SPAG17: variants seen among roughly 807,000 people sequenced by gnomAD.
SPAG17 encodes sperm associated antigen 17.
SPAG17 carries 169 observed loss-of-function variants against 273.6 expected under a neutral mutation model. The observed-to-expected ratio is 0.62, with a 90% CI of 0.55 to 0.70. The LOEUF (loss-of-function observed/expected upper bound fraction) is 0.70, where lower values mean the gene tolerates loss of function less well. SPAG17 is among the 30% of genes least tolerant of loss of function. The pLI is 0.00. For synonymous variants in SPAG17, 825 were observed against 873.2 expected (o/e 0.94, Z 0.97); for missense variants, 2,557 against 2,627.8 (o/e 0.97, Z 0.59).
At chr1:118,175,237 C>T (rs1463899937) in intron 1 of SPAG17, among the ~76,000 whole-genome samples, 1 of 152,024 alleles carries the variant, frequency 6.6e-6, no homozygotes, top group Non-Finnish European at 1.5e-5. Context: ...ACCATGTTGC[C>T]CAGACTGGTC....
At position 118,151,284 on chromosome 1, in the gene SPAG17, T is replaced by C. The variant is rs1349169994; in HGVS notation, c.173A>G (p.Gln58Arg). ...LLIQALTVAV[Q>R]VPQRKLFSMV... ...ACTGAAGAGTTTACGCTGAGGGACC[T>C]GGACAGCCACGGTAAGGGCTTGGAT... is the stretch of plus-strand genomic sequence containing the variant. Residue 58 changes from glutamine to arginine, a missense_variant, in exon 2 of 49, where the codon CAG (glutamine) becomes CGG (arginine). Gln to Arg is a conservative substitution (Grantham distance 43). Coordinates refer to ENST00000336338, the MANE Select transcript of SPAG17 (RefSeq NM_206996.4). 6.2e-7 allele frequency: 1 copy of C among 1,613,622 alleles called. No individual in the cohort carries two copies. The highest frequency in any genetic ancestry group is 1.7e-5 in the Admixed American group (1 of 59,994).
At chr1:117,967,114 AT>A (rs1374816043) in intron 46 of SPAG17, among the ~76,000 whole-genome samples, 2 of 151,956 alleles carry the variant, frequency 1.3e-5, no homozygotes, top group African/African-American at 4.8e-5. Context: ...CAGTAGTGAA[AT>A]CTGCAATAGC....
In SPAG17 at chr1:117,971,851, C is replaced by A. The variant is rs760924582; in HGVS notation, c.6326+12G>T. 59 of 1,609,662 alleles carry A rather than the reference C, an allele frequency of 3.7e-5. No individual in the cohort carries two copies. The South Asian group carries it at 6.5e-4, about 18-fold the overall frequency. The stretch of plus-strand genomic sequence containing the variant: ...AGGTAACCTGAGCAGACCTTTGGTC[C>A]CTTGGCCTCACCTGCAGAAGTCCAC... On this transcript the variant is annotated intron_variant, in intron 45 of 48. Coordinates refer to ENST00000336338, the MANE Select transcript of SPAG17 (RefSeq NM_206996.4).
At chr1:118,010,281 T>C (rs202225360) in intron 30 of SPAG17, among the ~76,000 whole-genome samples, 3 of 131,820 alleles carry the variant, frequency 2.3e-5, no homozygotes. Flanking sequence ...GAGGCAACCG[T>C]AACCGTGCTA....
Position 118,086,043 on chromosome 1 carries a change from A to G in SPAG17, c.1641T>C (p.Ile547=). 1 of 1,613,656 alleles carries G rather than the reference A, an allele frequency of 6.2e-7. No individual in the cohort carries two copies. The highest frequency in any genetic ancestry group is 8.5e-7 in the Non-Finnish European group (1 of 1,179,900). Residue 547 remains isoleucine (I), a synonymous_variant, in exon 13 of 49, where the codon ATT becomes ATC. Coordinates refer to ENST00000336338, the MANE Select transcript of SPAG17 (RefSeq NM_206996.4). ...QDQKNFDPVQ[I]EQEMQSKLPL... Reference sequence around the variant, plus strand: ...GCAACTTGGACTGCATCTCCTGCTCAATTTGAACTGGATCAAAATTCTTTT... The same window carrying G: ...GCAACTTGGACTGCATCTCCTGCTCGATTTGAACTGGATCAAAATTCTTTT...
chr1:117,992,660 A>G lies in SPAG17; in HGVS notation c.5179-12T>C. The G allele has an allele frequency of 6.4e-7, 1 of 1,565,804 alleles. No individual in the cohort carries two copies. The highest frequency in any genetic ancestry group is 8.6e-7 in the Non-Finnish European group (1 of 1,160,806). On this transcript the variant is annotated splice_polypyrimidine_tract_variant and intron_variant, in intron 35 of 48. Coordinates refer to ENST00000336338, the MANE Select transcript of SPAG17 (RefSeq NM_206996.4). ...CCTGGAGTTTTTTTCTGTTAACAAA[A>G]CAAAGCAATAACACCACCAAAGAAA...
At chr1:117,982,804 C>G (rs1203585098) in intron 42 of SPAG17, among the ~76,000 whole-genome samples, 1 of 152,180 alleles carries the variant, frequency 6.6e-6, no homozygotes, top group Non-Finnish European at 1.5e-5. Flanking sequence ...GCTTAGGTTT[C>G]ACATTCAGTT....
chr1:118,072,969 G>A (rs1034588920), intron 17 of SPAG17, among the ~76,000 whole-genome samples: 1 of 151,922 alleles, frequency 6.6e-6, no homozygotes, highest in African/African-American at 2.4e-5. Context: ...AGGGGTAAAT[G>A]CACTGAAGAT....
At chr1:118,180,994 A>G (rs1230207577) in intron 1 of SPAG17, among the ~76,000 whole-genome samples, 1 of 152,104 alleles carries the variant, frequency 6.6e-6, no homozygotes, top group African/African-American at 2.4e-5. Context: ...TTGTGACATC[A>G]TAAGTCATGC....
intron 3 of SPAG17, among the ~76,000 whole-genome samples, chr1:118,150,082 A>C (rs541336167): frequency 2.6e-5 from 4 of 152,226 alleles, no homozygotes; most frequent in Non-Finnish European, 5.9e-5. Context: ...CAAGTTCACA[A>C]ACTGATGGAA....
intron 4 of SPAG17, among the ~76,000 whole-genome samples, chr1:118,114,229 G>A (rs1404622241): frequency 6.6e-6 from 1 of 152,056 alleles, no homozygotes; most frequent in Non-Finnish European, 1.5e-5. Context: ...AGTTTCACTA[G>A]ATGGAAAACT....
At chr1:118,058,532 C>T (rs1571368188) in intron 18 of SPAG17, among the ~76,000 whole-genome samples, 1 of 152,138 alleles carries the variant, frequency 6.6e-6, no homozygotes, top group Non-Finnish European at 1.5e-5. Flanking sequence ...AAGAGATGTA[C>T]ATACAAACGA....
intron 7 of SPAG17, among the ~76,000 whole-genome samples, chr1:118,093,679 C>A (rs989975185): frequency 6.6e-6 from 1 of 152,196 alleles, no homozygotes; most frequent in South Asian, 2.1e-4. Context: ...TTAATATCCT[C>A]AGCCAGTGAC....
At chr1:118,148,970 G>A (rs1444031370) in intron 3 of SPAG17, among the ~76,000 whole-genome samples, 2 of 152,164 alleles carry the variant, frequency 1.3e-5, no homozygotes, top group African/African-American at 4.8e-5. Flanking sequence ...CTTGGCTGAT[G>A]CTGACAAGGA....
At chr1:118,116,170 G>A (rs1401226900) in intron 3 of SPAG17, among the ~76,000 whole-genome samples, 1 of 151,984 alleles carries the variant, frequency 6.6e-6, no homozygotes, top group Non-Finnish European at 1.5e-5. Flanking sequence ...TCTAACATCT[G>A]GGCCCTTTTC....
intron 18 of SPAG17, among the ~76,000 whole-genome samples, chr1:118,059,323 T>A (rs911693612): frequency 6.6e-6 from 1 of 152,160 alleles, no homozygotes; most frequent in African/African-American, 2.4e-5. Context: ...TGAGTTGATT[T>A]TTGTGTATAC....
chr1:118,112,110 T>C (rs1656798757), intron 4 of SPAG17, among the ~76,000 whole-genome samples: 1 of 151,876 alleles, frequency 6.6e-6, no homozygotes, highest in South Asian at 2.1e-4. Flanking sequence ...GTATCGAAGC[T>C]TTTTTTTCAT....
chr1:118,183,509 T>C (rs1444383684), intron 1 of SPAG17, among the ~76,000 whole-genome samples: 1 of 152,172 alleles, frequency 6.6e-6, no homozygotes, highest in Non-Finnish European at 1.5e-5. Flanking sequence ...TGAAGAAAAT[T>C]GAGTTCACTG....
At chr1:118,148,113 G>C (rs1659142282) in intron 3 of SPAG17, among the ~76,000 whole-genome samples, 1 of 152,192 alleles carries the variant, frequency 6.6e-6, no homozygotes, top group African/African-American at 2.4e-5. Context: ...GAATTTGTTA[G>C]ATTATCTTTT....
Sources: allele counts gnomAD v4.1 joint callset (sites outside exome capture counted in the v4.1 genomes callset), GRCh38; gene constraint gnomAD v4.1.1; transcripts MANE v1.5; gene names NCBI Gene and HGNC (gene_info 2026-07-23, HGNC 2026-07-21).